ETFA: variants seen among roughly 807,000 people sequenced by gnomAD.
ETFA encodes electron transfer flavoprotein subunit alpha.
Under a neutral mutation model 46.2 loss-of-function variants are expected in ETFA, and 22 were observed. The observed-to-expected ratio is 0.48, with a 90% confidence interval of 0.34 to 0.68. The LOEUF (loss-of-function observed/expected upper bound fraction) is 0.68, where lower values mean the gene tolerates loss of function less well. Ranked by LOEUF, ETFA falls within the 30% of genes least tolerant of loss-of-function variation. The pLI, the probability that ETFA is intolerant of heterozygous loss-of-function variation, is 0.01. For synonymous variants in ETFA, 131 were observed against 139.9 expected (o/e 0.94, Z 0.45); for missense variants, 345 against 401.1 (o/e 0.86, Z 1.19).
At chr15:76,241,522 TGGG>T (rs1403123054) in intron 9 of ETFA, among the ~76,000 whole-genome samples, 2 of 151,944 alleles carry the variant, frequency 1.3e-5, no homozygotes, top group Admixed American at 1.3e-4. Context: ...TTTATTTGGC[TGGG>T]CGCAGTGGCT....
In ETFA at chr15:76,292,694, G is replaced by A. The variant is rs1297718024; in HGVS notation, c.193C>T (p.Gln65Ter). 2 of 1,608,738 alleles carry A rather than the reference G, an allele frequency of 1.2e-6. No individual in the cohort carries two copies. Among genetic ancestry groups the A allele is most frequent in the African/African-American group, 1.3e-5 (1 of 74,802 alleles). ...ATGCCTGCTACTTTACAGAGATCTTGTGCCACCTATGATTAAAAGATAAGT... is the reference window on the plus strand; with the variant it reads ...ATGCCTGCTACTTTACAGAGATCTTATGCCACCTATGATTAAAAGATAAGT... ...VAGTKCDKVA[Q>*]DLCKVAGIAK... The change falls in exon 3 of 12, where the codon CAA becomes TAA. Residue 65 changes from glutamine (Q) to a stop codon, truncating the protein, a stop_gained. Coordinates refer to ENST00000557943, the MANE Select transcript of ETFA (RefSeq NM_000126.4). LOFTEE classifies it high-confidence loss of function.
In ETFA at chr15:76,237,244, G is replaced by A. The variant is rs527294595; in HGVS notation, c.817-5846C>T. ...ATTTTTGTACTCTTAGTAGAGATGG[G>A]GTTTTGCCATGTTGGCCAGGCTGGT... On this transcript the variant is annotated intron_variant, in intron 9 of 11. Coordinates refer to ENST00000557943, the MANE Select transcript of ETFA (RefSeq NM_000126.4). 1.4e-4 allele frequency among the ~76,000 whole-genome samples: 21 copies of A among 152,202 alleles called. No homozygotes were observed. In the South Asian group the frequency reaches 2.5e-3, roughly 18 times the overall value.
At chr15:76,271,914 TACACACAC>T (rs3866542) in intron 9 of ETFA, among the ~76,000 whole-genome samples, 15 of 148,712 alleles carry the variant, frequency 1.0e-4, no homozygotes, top group Admixed American at 6.0e-4. Context: ...TGTGTGTATA[TACACACAC>T]ACACACACAC....
chr15:76,248,270 GCT>G (rs2039262560), intron 9 of ETFA, among the ~76,000 whole-genome samples: 1 of 152,180 alleles, frequency 6.6e-6, no homozygotes, highest in Non-Finnish European at 1.5e-5. Context: ...AAAAGATGAT[GCT>G]GTGCATTAGT....
rs2038888252 is a variant in ETFA at position 76,215,410 on chromosome 15, A to G, written c.*1149T>C. 1 of 152,200 alleles carries G rather than the reference A, an allele frequency of 6.6e-6. No homozygotes were observed. The allele number at this position is 152,200 out of a possible 1,614,324, so 9.4% of individuals were successfully genotyped here. ...TTGTGACACAAATCAGAAAGGGTTC[A>G]CTAGTCAGCTGGGGAAGGGCCCCAG... On this transcript the variant is annotated 3_prime_UTR_variant, in exon 12 of 12. Transcript: ENST00000557943.
intron 9 of ETFA, among the ~76,000 whole-genome samples, chr15:76,241,877 G>GC (rs142718308): frequency 0.96 from 136,967 of 142,666 alleles, 65,996 homozygotes; most frequent in East Asian, 1. Context: ...TCGCTCTGTC[G>GC]CCAGGCTGGA....
intron 1 of ETFA, among the ~76,000 whole-genome samples, chr15:76,308,918 T>C (rs982975971): frequency 6.6e-6 from 1 of 152,230 alleles, no homozygotes; most frequent in Non-Finnish European, 1.5e-5. Flanking sequence ...TATGTATATA[T>C]GTGGAAAGAT....
intron 9 of ETFA, among the ~76,000 whole-genome samples, chr15:76,268,189 C>CAAAAAAAA (rs57096514): frequency 2.1e-4 from 23 of 107,054 alleles, no homozygotes; most frequent in East Asian, 5.9e-4. Flanking sequence ...CCAGCTACAG[C>CAAAAAAAA]AAAAAAAAAA....
At chr15:76,271,618 C>T (rs559118565) in intron 9 of ETFA, among the ~76,000 whole-genome samples, 75 of 152,216 alleles carry the variant, frequency 4.9e-4, no homozygotes, top group African/African-American at 1.8e-3. Flanking sequence ...ACAGGCAAAA[C>T]CTGAATGTCA....
At chr15:76,280,183 G>T (rs1043270968) in intron 8 of ETFA, among the ~76,000 whole-genome samples, 1 of 151,888 alleles carries the variant, frequency 6.6e-6, no homozygotes, top group Non-Finnish European at 1.5e-5. Flanking sequence ...ACTTCTCCAT[G>T]GAACTTCACA....
intron 9 of ETFA, among the ~76,000 whole-genome samples, chr15:76,243,335 TA>T (rs879474998): frequency 6.6e-6 from 1 of 151,318 alleles, no homozygotes; most frequent in African/African-American, 2.4e-5. Flanking sequence ...TTTACCACAA[TA>T]AAAAAAATCA....
chr15:76,285,495 G>C, intron 7 of ETFA, 142 bp downstream of exon 7: 1 of 627,290 alleles, frequency 1.6e-6, no homozygotes. Context: ...TTTCCTAATT[G>C]GTTAAATGGG....
intron 1 of ETFA, among the ~76,000 whole-genome samples, chr15:76,296,469 GTATAGGAGTACA>G (rs2039824593): frequency 6.6e-6 from 1 of 152,154 alleles, no homozygotes; most frequent in South Asian, 2.1e-4. Context: ...TACTCCTACA[GTATAGGAGTACA>G]GTATAATCAC....
rs1359817327 is a variant in ETFA, at chr15:76,231,330, T to C, written c.882+3A>G. 43 of 1,579,566 alleles carry C rather than the reference T, an allele frequency of 2.7e-5. No individual in the cohort carries two copies. Among genetic ancestry groups the C allele is most frequent in the Non-Finnish European group, 3.7e-5 (42 of 1,148,734 alleles). On this transcript the variant is annotated splice_donor_region_variant and intron_variant, in intron 10 of 11. Transcript: ENST00000557943. ...TCTTTTAACATCACTGATGTACAATTACCTTGCTGTCTTTCATCCCAGCTA... is the reference window on the plus strand; with the variant it reads ...TCTTTTAACATCACTGATGTACAATCACCTTGCTGTCTTTCATCCCAGCTA...
chr15:76,261,212 G>A, intron 9 of ETFA: 1 of 1,550,416 alleles, frequency 6.4e-7, no homozygotes, highest in Admixed American at 1.7e-5. Context: ...ACAGGTTCAG[G>A]GGGACCCACA....
chr15:76,267,675 C>G (rs527575043), intron 9 of ETFA, among the ~76,000 whole-genome samples: 1 of 152,206 alleles, frequency 6.6e-6, no homozygotes, highest in South Asian at 2.1e-4. Flanking sequence ...AGGGAGGGGA[C>G]CAGCAATATA....
intron 9 of ETFA, chr15:76,261,058 C>T: frequency 6.4e-7 from 1 of 1,572,704 alleles, no homozygotes; most frequent in Non-Finnish European, 8.7e-7. Context: ...AGAACAGTGG[C>T]TATGCGAGAA....
intron 8 of ETFA, among the ~76,000 whole-genome samples, chr15:76,277,169 T>C (rs1309943461): frequency 1.3e-5 from 2 of 152,198 alleles, no homozygotes; most frequent in Admixed American, 6.5e-5. Flanking sequence ...ACTTTACACA[T>C]GCTTCTCAGT....
intron 1 of ETFA, among the ~76,000 whole-genome samples, chr15:76,305,040 CAA>C (rs60175516): frequency 6.4e-5 from 9 of 140,540 alleles, no homozygotes; most frequent in Admixed American, 1.4e-4. Flanking sequence ...GACTCTGTCT[CAA>C]AAAAAAAAAA....
Sources: allele counts gnomAD v4.1 joint callset (sites outside exome capture counted in the v4.1 genomes callset), GRCh38; gene constraint gnomAD v4.1.1; transcripts MANE v1.5; gene names NCBI Gene and HGNC (gene_info 2026-07-23, HGNC 2026-07-21).